AVIL: variants seen among roughly 807,000 people sequenced by gnomAD.
The protein encoded by AVIL is advillin.
In AVIL, 78 loss-of-function variants were observed where a neutral mutation model predicts 109.9. The ratio of observed to expected loss-of-function variants is 0.71; its 90% CI spans 0.59 to 0.86. The LOEUF (loss-of-function observed/expected upper bound fraction) is 0.86, where lower values mean the gene tolerates loss of function less well. Among genes scored for constraint, AVIL ranks in the 40% least tolerant of loss-of-function variants. The pLI is 0.00. For missense variants in AVIL, 892 were observed against 1,016.5 expected, an observed-to-expected ratio of 0.88 and a Z score of 1.67; for synonymous variants, 367 against 379.1, an observed-to-expected ratio of 0.97 and a Z score of 0.37.
At chr12:57,811,259 C>T (rs1956034684) in intron 4 of AVIL, 132 bp from the exon 5 acceptor site, 2 of 801,092 alleles carry the variant, frequency 2.5e-6, no homozygotes, top group Non-Finnish European at 4.0e-6. Flanking sequence ...CAGATGGTGG[C>T]AGCTGCTGCC....
chr12:57,806,717 T>A, intron 13 of AVIL, 178 bp from the exon 14 acceptor site: 1 of 642,950 alleles, frequency 1.6e-6, no homozygotes, highest in Non-Finnish European at 2.7e-6. Flanking sequence ...ACAACTTTCA[T>A]CCTGAGAACT....
chr12:57,805,047 T>C (rs919316972), intron 14 of AVIL, among the ~76,000 whole-genome samples: 1 of 152,146 alleles, frequency 6.6e-6, no homozygotes, highest in African/African-American at 2.4e-5. Context: ...TTTTGTAAAA[T>C]AATTTTAGTG....
At chr12:57,808,723 ATGAC>A (rs985101146) in intron 9 of AVIL, 175 bp from the exon 10 acceptor site, 9 of 707,976 alleles carry the variant, frequency 1.3e-5, no homozygotes, top group Non-Finnish European at 1.8e-5. Context: ...TAAAAAAAAA[ATGAC>A]TGAGTGGAAC....
At chr12:57,806,562 C>G in intron 13 of AVIL, 23 bp from the exon 14 acceptor site, 7 of 1,613,142 alleles carry the variant, frequency 4.3e-6, no homozygotes, top group Non-Finnish European at 5.9e-6. Flanking sequence ...AAAGCAGAGT[C>G]CAGATCTAAG....
At chr12:57,814,827 G>C (rs750853219) in intron 2 of AVIL, 5 of 152,614 alleles carry the variant, frequency 3.3e-5, no homozygotes, top group African/African-American at 4.8e-5. Context: ...CCTTGATGTA[G>C]ATTTTCATCA....
intron 4 of AVIL, among the ~76,000 whole-genome samples, chr12:57,812,353 CATGTTTTTGTT>C: frequency 6.6e-6 from 1 of 151,570 alleles, no homozygotes; most frequent in African/African-American, 2.4e-5. Context: ...GTTTTGTGTG[CATGTTTTTGTT>C]TTGTTTTGTT....
chr12:57,814,691 G>C (rs1956078979), intron 2 of AVIL: 1 of 162,984 alleles, frequency 6.1e-6, no homozygotes, highest in Non-Finnish European at 1.4e-5. Flanking sequence ...GGAGGTGGAG[G>C]ATAACATTTG....
At chr12:57,798,610 C>A (rs1433681516) in intron 19 of AVIL, among the ~76,000 whole-genome samples, 2 of 150,372 alleles carry the variant, frequency 1.3e-5, no homozygotes, top group Admixed American at 6.6e-5. Context: ...GAAATTTATT[C>A]TTTTCTTTTC....
chr12:57,814,158 G>T lies in AVIL; in HGVS notation c.135C>A (p.Ile45=). The change falls in exon 3 of 20, where the codon ATC becomes ATA. Residue 45 remains isoleucine, a synonymous_variant. Coordinates refer to ENST00000549994, the MANE Select transcript of AVIL (RefSeq NM_006576.4). The part of the protein sequence containing the change: ...GNFYEGDCYV[I]LSTRRVASLL... The stretch of plus-strand genomic sequence containing the variant: ...TGGGGAGGAGGGTGCTCACCGAGAG[G>T]ATGACGTAGCAGTCCCCCTCATAGA... 6.2e-7 allele frequency: 1 copy of T among 1,613,164 alleles called. No homozygotes were observed. The highest frequency in any genetic ancestry group is 8.5e-7 in the Non-Finnish European group (1 of 1,179,762).
At chr12:57,809,749 A>AC in intron 8 of AVIL, 54 bp from the exon 9 acceptor site, 1 of 1,613,472 alleles carries the variant, frequency 6.2e-7, no homozygotes, top group Non-Finnish European at 8.5e-7. Context: ...AAGATTTTGC[A>AC]CAGGGTCTGC....
chr12:57,804,815 A>G (rs1022582708), intron 14 of AVIL, among the ~76,000 whole-genome samples: 29 of 152,026 alleles, frequency 1.9e-4, no homozygotes, highest in African/African-American at 7.0e-4. Context: ...TCTCAAAAAA[A>G]AAAACAAAAA....
At chr12:57,813,165 C>T in intron 4 of AVIL, 62 bp downstream of exon 4, 3 of 1,522,034 alleles carry the variant, frequency 2.0e-6, no homozygotes, top group Non-Finnish European at 2.7e-6. Flanking sequence ...GCATGTTGGC[C>T]TTTTGGGTTT....
At chr12:57,813,464 C>A in intron 3 of AVIL, 41 bp from the exon 4 acceptor site, 1 of 1,581,046 alleles carries the variant, frequency 6.3e-7, no homozygotes, top group Non-Finnish European at 8.7e-7. Context: ...GGCCAGCTCA[C>A]CTCCCCTTTG....
At chr12:57,799,750 C>G (rs143081861) in intron 19 of AVIL, 45 bp downstream of exon 19, 2 of 1,610,434 alleles carry the variant, frequency 1.2e-6, no homozygotes, top group East Asian at 2.2e-5. Context: ...TTTTTACTCA[C>G]GGAGAGCTCC....
intron 16 of AVIL, 122 bp from the exon 17 acceptor site, chr12:57,802,470 T>C (rs1164329591): frequency 1.7e-6 from 2 of 1,198,424 alleles, no homozygotes; most frequent in Non-Finnish European, 2.4e-6. Context: ...CAGAAAACTT[T>C]CTCAGCCTAA....
chr12:57,802,436 T>C, intron 16 of AVIL, 88 bp from the exon 17 acceptor site: 1 of 1,447,644 alleles, frequency 6.9e-7, no homozygotes. Flanking sequence ...CTTTCCCCTT[T>C]CTTTCGTGAG....
At chr12:57,814,012 G>T in intron 3 of AVIL, 140 bp downstream of exon 3, 1 of 838,122 alleles carries the variant, frequency 1.2e-6, no homozygotes, top group East Asian at 2.7e-5. Flanking sequence ...CAGACTGGAG[G>T]TCTGCTCTGC....
rs559065932 is a variant in AVIL, at chr12:57,813,860, T to C, written c.141+292A>G. On this transcript the variant is annotated intron_variant, in intron 3 of 19. Transcript: ENST00000549994. ...GACAGGCCTTGCATTTATCAGGCCT[T>C]CTTCCACACCACTTTAATGTGGGGC... 3.3e-4 allele frequency among the ~76,000 whole-genome samples: 51 copies of C among 152,292 alleles called. 1 individual carries two copies. Among genetic ancestry groups the C allele is most frequent in the African/African-American group, 1.1e-3 (47 of 41,570 alleles).
intron 1 of AVIL, among the ~76,000 whole-genome samples, chr12:57,816,995 G>A (rs1170842751): frequency 6.6e-6 from 1 of 151,996 alleles, no homozygotes; most frequent in East Asian, 1.9e-4. Flanking sequence ...AGGGTGGGGA[G>A]AGGGGGGAAG....
Sources: allele counts gnomAD v4.1 joint callset (sites outside exome capture counted in the v4.1 genomes callset), GRCh38; gene constraint gnomAD v4.1.1; transcripts MANE v1.5; gene names NCBI Gene and HGNC (gene_info 2026-07-23, HGNC 2026-07-21).